Variants in LINGO2 observed in about 807,000 individuals in gnomAD.
LINGO2 encodes leucine-rich repeat and immunoglobulin-like domain-containing nogo receptor-interacting protein 2.
LINGO2 carries 14 observed loss-of-function variants against 30.6 expected under a neutral mutation model. The observed-to-expected ratio is 0.46, with a 90% CI of 0.30 to 0.72. The LOEUF (loss-of-function observed/expected upper bound fraction) is 0.72, where lower values mean the gene tolerates loss of function less well. Ranked by LOEUF, LINGO2 falls within the 30% of genes least tolerant of loss-of-function variation. The pLI, the probability that LINGO2 is intolerant of heterozygous loss-of-function variation, is 0.07. For missense variants in LINGO2, 729 were observed against 751.7 expected (o/e 0.97, Z 0.35); for synonymous variants, 317 against 288.5 (o/e 1.10, Z -1.00).
intron 4 of LINGO2, among the ~76,000 whole-genome samples, chr9:28,181,101 CA>C (rs1828898260): frequency 6.6e-6 from 1 of 151,956 alleles, no homozygotes; most frequent in Admixed American, 6.6e-5. Flanking sequence ...TACAGCTGGC[CA>C]AAAGAGATGA....
chr9:28,506,055 A>G (rs1820097514), intron 1 of LINGO2, among the ~76,000 whole-genome samples: 1 of 151,858 alleles, frequency 6.6e-6, no homozygotes, highest in Non-Finnish European at 1.5e-5. Flanking sequence ...ATCAATAATA[A>G]CAATATAATA....
chr9:29,208,909 A>G, the LINGO2 span, among the ~76,000 whole-genome samples: 1 of 152,256 alleles, frequency 6.6e-6, no homozygotes, highest in African/African-American at 2.4e-5. Flanking sequence ...AGATTTTTAG[A>G]ACTAGGATCT....
chr9:28,385,254 T>C (rs561586952), intron 2 of LINGO2, among the ~76,000 whole-genome samples: 2 of 152,162 alleles, frequency 1.3e-5, no homozygotes, highest in Admixed American at 1.3e-4. Flanking sequence ...CATTTAACCT[T>C]ACCTAAGTTG....
intron 1 of LINGO2, among the ~76,000 whole-genome samples, chr9:28,614,792 C>T (rs1826066348): frequency 6.6e-6 from 1 of 152,000 alleles, no homozygotes; most frequent in African/African-American, 2.4e-5. Context: ...TAACCTTAGC[C>T]TAGTTAATTT....
intron 4 of LINGO2, among the ~76,000 whole-genome samples, chr9:28,025,748 A>G (rs932208395): frequency 4.6e-5 from 7 of 152,218 alleles, no homozygotes; most frequent in Non-Finnish European, 8.8e-5. Flanking sequence ...GAAGAGAGAC[A>G]TCAGGGTAGG....
intron 1 of LINGO2, among the ~76,000 whole-genome samples, chr9:28,621,229 A>T (rs1031657821): frequency 3.3e-5 from 5 of 152,086 alleles, no homozygotes; most frequent in Non-Finnish European, 7.4e-5. Flanking sequence ...ACAATATATA[A>T]TGTGTTAATG....
At chr9:28,774,896 C>T in the LINGO2 span, among the ~76,000 whole-genome samples, 4 of 152,158 alleles carry the variant, frequency 2.6e-5, no homozygotes, top group Admixed American at 6.5e-5. Flanking sequence ...AAAATGAAAG[C>T]GCTGGACCTT....
chr9:28,922,909 G>A, the LINGO2 span, among the ~76,000 whole-genome samples: 2 of 152,044 alleles, frequency 1.3e-5, no homozygotes, highest in African/African-American at 4.8e-5. Flanking sequence ...CTATGCAGGT[G>A]GACCCTAAAT....
intron 4 of LINGO2, among the ~76,000 whole-genome samples, chr9:28,219,930 T>C (rs1451222871): frequency 6.6e-6 from 1 of 152,134 alleles, no homozygotes; most frequent in Non-Finnish European, 1.5e-5. Context: ...CAGCTACAGA[T>C]CATATTTTTA....
chr9:29,034,591 A>G, the LINGO2 span, among the ~76,000 whole-genome samples: 1 of 152,154 alleles, frequency 6.6e-6, no homozygotes, highest in Admixed American at 6.6e-5. Flanking sequence ...AAATAGCCCT[A>G]TGACTATGAT....
chr9:28,741,994 C>G, the LINGO2 span, among the ~76,000 whole-genome samples: 10 of 151,722 alleles, frequency 6.6e-5, no homozygotes, highest in Non-Finnish European at 1.3e-4. Context: ...ACTAAATCTT[C>G]AGGGCATGTC....
At chr9:27,999,187 A>C (rs77890824) in intron 5 of LINGO2, among the ~76,000 whole-genome samples, 7,330 of 152,064 alleles carry the variant, frequency 0.048, 322 homozygotes, top group African/African-American at 0.098. Flanking sequence ...GCAAAAAAAA[A>C]CCCAACACTG....
chr9:28,959,080 T>G, the LINGO2 span, among the ~76,000 whole-genome samples: 1 of 152,230 alleles, frequency 6.6e-6, no homozygotes, highest in East Asian at 1.9e-4. Flanking sequence ...CATGTGTAAG[T>G]GCCTGTCACC....
chr9:28,759,934 T>G, the LINGO2 span, among the ~76,000 whole-genome samples: 1 of 152,014 alleles, frequency 6.6e-6, no homozygotes, highest in Admixed American at 6.5e-5. Context: ...ATAAACACCA[T>G]CATCTACCAC....
At chr9:28,542,273 GA>G (rs565574188) in intron 1 of LINGO2, among the ~76,000 whole-genome samples, 2 of 149,300 alleles carry the variant, frequency 1.3e-5, no homozygotes, top group South Asian at 2.1e-4. Flanking sequence ...GGTAGATCCT[GA>G]AAAAAAAACA....
the LINGO2 span, among the ~76,000 whole-genome samples, chr9:28,928,148 T>G: frequency 6.6e-6 from 1 of 152,236 alleles, no homozygotes; most frequent in Non-Finnish European, 1.5e-5. Flanking sequence ...GTATTTGAAT[T>G]AATTTCTGTT....
chr9:28,212,203 A>ACAACAC (rs1198949983), intron 4 of LINGO2, among the ~76,000 whole-genome samples: 1 of 151,536 alleles, frequency 6.6e-6, no homozygotes, highest in Non-Finnish European at 1.5e-5. Flanking sequence ...ATGTATGAAG[A>ACAACAC]CAACACCATC....
the LINGO2 span, among the ~76,000 whole-genome samples, chr9:28,996,879 T>C: frequency 2.6e-5 from 4 of 152,140 alleles, no homozygotes; most frequent in Admixed American, 2.6e-4. Flanking sequence ...TATGAACATA[T>C]AATAGAAGAT....
chr9:28,860,658 T>C, the LINGO2 span, among the ~76,000 whole-genome samples: 6 of 135,574 alleles, frequency 4.4e-5, no homozygotes, highest in African/African-American at 1.7e-4. Flanking sequence ...ATCTGTCATG[T>C]ATAGTCATAT....
Sources: gnomAD v4.1 joint callset for allele counts (sites outside exome capture counted in the v4.1 genomes callset) on GRCh38, gnomAD v4.1.1 for gene constraint, MANE v1.5 for transcripts, NCBI Gene and HGNC (gene_info 2026-07-23, HGNC 2026-07-21) for gene names.